Variants in PEMT observed in about 807,000 individuals in gnomAD.
PEMT encodes the protein phospholipid methyltransferase.
PEMT carries 23 observed loss-of-function variants against 27.4 expected under a neutral mutation model. The observed-to-expected ratio is 0.84, with a 90% CI of 0.60 to 1.19. PEMT has a LOEUF of 1.19. Ranked by LOEUF, PEMT falls within the 50% of genes most tolerant of loss-of-function variation. The pLI is 0.00. For synonymous variants in PEMT, 137 were observed against 139.1 expected (o/e 0.98, Z 0.11); for missense variants, 307 against 310.1 (o/e 0.99, Z 0.07).
At chr17:17,514,967 T>C (rs1906709018) in intron 3 of PEMT, among the ~76,000 whole-genome samples, 1 of 152,090 alleles carries the variant, frequency 6.6e-6, no homozygotes, top group South Asian at 2.1e-4. Context: ...GGGCAGGGCA[T>C]GGAGCAGGGA....
At chr17:17,535,037 A>G (rs1044329493) in intron 2 of PEMT, among the ~76,000 whole-genome samples, 5 of 151,974 alleles carry the variant, frequency 3.3e-5, no homozygotes, top group Non-Finnish European at 7.4e-5. Flanking sequence ...CAGCCTCCAG[A>G]GTAGCTGCGA....
intron 2 of PEMT, among the ~76,000 whole-genome samples, chr17:17,554,387 A>G (rs2142660833): frequency 6.6e-6 from 1 of 152,230 alleles, no homozygotes; most frequent in East Asian, 1.9e-4. Context: ...CGTGGCCCCA[A>G]AGGCATGAAC....
rs978018097 is a variant in PEMT at position 17,586,192 on chromosome 17, A to G, written c.96+5339T>C. 2.5e-4 allele frequency among the ~76,000 whole-genome samples: 36 copies of G among 146,752 alleles called. 1 individual carries two copies. The highest frequency in any genetic ancestry group is 9.0e-4 in the African/African-American group (35 of 39,008). On this transcript the variant is annotated intron_variant, in intron 1 of 6. Transcript: ENST00000255389. ...AAAGAAAGAAAGAAAAAGAAAAAGA[A>G]GGAAGGAAAGAAAGAAAGAAAGAAA...
chr17:17,512,789 G>T lies in PEMT; in HGVS notation c.321-135C>A. On this transcript the variant is annotated intron_variant, in intron 3 of 6. Coordinates refer to ENST00000255389, the MANE Select transcript of PEMT (RefSeq NM_148172.3). This position sits in a 1 kb window ranked among gnomAD's most constrained non-coding sequence, Gnocchi z 6.3. ...AGCCAGCCCAGGGCTGCCAGGCCAGGCAGGCAGCAGGTGGGGTCCAGTCCA... is the reference window on the plus strand; with the variant it reads ...AGCCAGCCCAGGGCTGCCAGGCCAGTCAGGCAGCAGGTGGGGTCCAGTCCA... 1.3e-6 allele frequency: 1 copy of T among 749,890 alleles called. No homozygotes were observed. Among genetic ancestry groups the T allele is most frequent in the Non-Finnish European group, 1.9e-6 (1 of 532,860 alleles). 46.5% of individuals were successfully genotyped at this position (749,890 alleles called of 1,614,324 possible). A position where few individuals can be genotyped will look rare whatever the true frequency, so the allele number is the denominator to read the frequency against.
At chr17:17,587,323 C>T (rs1290743363) in intron 1 of PEMT, among the ~76,000 whole-genome samples, 2 of 152,018 alleles carry the variant, frequency 1.3e-5, no homozygotes, top group South Asian at 2.1e-4. Context: ...AATTAAGTAA[C>T]TTAGATGAAA....
chr17:17,582,532 A>C lies in PEMT; in HGVS notation c.97-5505T>G. ...ATCGATTCCAGGCCACACACCACAC[A>C]CAACAAAGGGCAGGGGAATGGGTGG... On this transcript the variant is annotated intron_variant, in intron 1 of 6. Transcript: ENST00000255389. The surrounding 1 kb of genome is among the most constrained non-coding windows in gnomAD (Gnocchi z 4.9). The C allele has an allele frequency of 1.0e-5, 5 of 498,666 alleles. No homozygotes were observed. The highest frequency in any genetic ancestry group is 1.3e-5 in the Non-Finnish European group (5 of 385,214). The allele number at this position is 498,666 out of a possible 1,614,324, so 30.9% of individuals were successfully genotyped here. A position where few individuals can be genotyped will look rare whatever the true frequency, so the allele number is the denominator to read the frequency against.
chr17:17,581,117 C>G (rs1911949358), intron 1 of PEMT, among the ~76,000 whole-genome samples: 1 of 152,162 alleles, frequency 6.6e-6, no homozygotes, highest in South Asian at 2.1e-4. Context: ...ACTGGCGCCC[C>G]TTCAACTCTA....
chr17:17,554,025 G>A (rs1166226476), intron 2 of PEMT, among the ~76,000 whole-genome samples: 1 of 152,242 alleles, frequency 6.6e-6, no homozygotes, highest in Non-Finnish European at 1.5e-5. Flanking sequence ...GGAGGCACTG[G>A]ACCTGAGACC....
chr17:17,578,488 T>C (rs1911768253), intron 1 of PEMT: 1 of 151,818 alleles, frequency 6.6e-6, no homozygotes. Flanking sequence ...CAACCCTGTC[T>C]CAAAAAATAA....
chr17:17,543,515 C>T (rs1171398606), intron 2 of PEMT, among the ~76,000 whole-genome samples: 1 of 152,156 alleles, frequency 6.6e-6, no homozygotes, highest in Non-Finnish European at 1.5e-5. Flanking sequence ...GCTGCAGTGA[C>T]TTTCATGAAG....
Position 17,512,576 on chromosome 17 carries a change from G to A in PEMT, c.399C>T (p.Leu133=). The change falls in exon 4 of 7, where the codon CTC becomes CTT. Residue 133 remains leucine, a synonymous_variant. Coordinates refer to ENST00000255389, the MANE Select transcript of PEMT (RefSeq NM_148172.3). The surrounding 1 kb of genome is among the most constrained non-coding windows in gnomAD (Gnocchi z 6.3). ...GCACGAGCACGACGCCCAGTCCCAGGAGCGCGAGGCCCAGGCTGTAGGCCG... is the reference window on the plus strand; with the variant it reads ...GCACGAGCACGACGCCCAGTCCCAGAAGCGCGAGGCCCAGGCTGTAGGCCG... The part of the protein sequence containing the change: ...TPAAYSLGLA[L]LGLGVVLVLS... 1.2e-6 allele frequency: 2 copies of A among 1,609,076 alleles called. No homozygotes were observed. The highest frequency in any genetic ancestry group is 1.7e-6 in the Non-Finnish European group (2 of 1,177,728).
chr17:17,558,937 G>C (rs1374920907), intron 2 of PEMT, among the ~76,000 whole-genome samples: 1 of 152,148 alleles, frequency 6.6e-6, no homozygotes, highest in Non-Finnish European at 1.5e-5. Flanking sequence ...TGATTGGAAA[G>C]GTTTCCATCA....
rs988131596 is a variant in PEMT at position 17,572,398 on chromosome 17, G to A, written c.204+4522C>T. Among the ~76,000 whole-genome samples, 12 of 152,248 alleles carry A rather than the reference G, an allele frequency of 7.9e-5. No homozygotes were observed. The East Asian group carries it at 2.1e-3, about 27-fold the overall frequency. On this transcript the variant is annotated intron_variant, in intron 2 of 6. Coordinates refer to ENST00000255389, the MANE Select transcript of PEMT (RefSeq NM_148172.3). ...CACCACCGTCCCCAGCCACCTCTCC[G>A]TCCTGCTCCTCCATTCTCCCTCTGC...
chr17:17,586,284 GAAA>G (rs1912300762), intron 1 of PEMT, among the ~76,000 whole-genome samples: 15 of 72,720 alleles, frequency 2.1e-4, no homozygotes, highest in African/African-American at 8.1e-4. Flanking sequence ...AAGAAAGAAA[GAAA>G]GAAAAAAAAA....
At chr17:17,590,945 C>T (rs1341926614) in intron 1 of PEMT, among the ~76,000 whole-genome samples, 2 of 152,148 alleles carry the variant, frequency 1.3e-5, no homozygotes, top group Non-Finnish European at 2.9e-5. Flanking sequence ...CCCATTATGG[C>T]CCCGAAACGG....
intron 2 of PEMT, among the ~76,000 whole-genome samples, chr17:17,549,282 C>T (rs536849909): frequency 8.2e-4 from 125 of 152,258 alleles, no homozygotes; most frequent in Non-Finnish European, 1.6e-3. Flanking sequence ...CTCCGCCTCC[C>T]GGGTTCACGT....
chr17:17,581,458 C>T lies in PEMT; in HGVS notation c.97-4431G>A, dbSNP rs114775577. 1.8e-3 allele frequency among the ~76,000 whole-genome samples: 274 copies of T among 152,306 alleles called. 1 individual carries two copies. The highest frequency in any genetic ancestry group is 6.2e-3 in the African/African-American group (257 of 41,562). On this transcript the variant is annotated intron_variant, in intron 1 of 6. Coordinates refer to ENST00000255389, the MANE Select transcript of PEMT (RefSeq NM_148172.3). The stretch of plus-strand genomic sequence containing the variant: ...AAGGCCAGCCCTACCAGACAGAAAG[C>T]CCCATAAAAATGGGACAAGGATAAA...
chr17:17,517,103 G>A (rs545046489), intron 3 of PEMT, among the ~76,000 whole-genome samples: 3 of 152,296 alleles, frequency 2.0e-5, no homozygotes, highest in South Asian at 2.1e-4. Context: ...TCAAGGACCC[G>A]CGTCCTGCCA....
chr17:17,556,867 C>T (rs1910092777), intron 2 of PEMT, among the ~76,000 whole-genome samples: 1 of 152,140 alleles, frequency 6.6e-6, no homozygotes, highest in Admixed American at 6.5e-5. Context: ...CTGCAGATGT[C>T]GTGGCTCCCG....
Sources: gnomAD v4.1 joint callset for allele counts (sites outside exome capture counted in the v4.1 genomes callset) on GRCh38, gnomAD v4.1.1 for gene constraint, Gnocchi (gnomAD v3.1) non-coding constraint, MANE v1.5 for transcripts, NCBI Gene and HGNC (gene_info 2026-07-23, HGNC 2026-07-21) for gene names.